TMEM131L: variants seen among roughly 807,000 people sequenced by gnomAD.
TMEM131L encodes transmembrane protein 131-like.
In TMEM131L, 54 loss-of-function variants were observed where a neutral mutation model predicts 192.2. The observed-to-expected ratio is 0.28, with a 90% confidence interval of 0.23 to 0.35. TMEM131L has a LOEUF of 0.35. Ranked by LOEUF, TMEM131L falls within the 10% of genes least tolerant of loss-of-function variation. TMEM131L has a pLI of 1.00. For synonymous variants in TMEM131L, 701 were observed against 704.9 expected (o/e 0.99, Z 0.09); for missense variants, 1,888 against 1,972.9 (o/e 0.96, Z 0.82).
intron 3 of TMEM131L, among the ~76,000 whole-genome samples, chr4:153,526,550 C>T (rs1270744315): frequency 9.2e-5 from 14 of 151,782 alleles, no homozygotes; most frequent in African/African-American, 2.2e-4. Context: ...CCGGCTAACA[C>T]GGTGAAACCC....
intron 3 of TMEM131L, among the ~76,000 whole-genome samples, chr4:153,489,051 G>A (rs1332529856): frequency 9.2e-5 from 14 of 152,142 alleles, no homozygotes; most frequent in Non-Finnish European, 1.3e-4. Context: ...TCCAAGTCAG[G>A]TCACATTCTG....
chr4:153,621,324 G>A lies in TMEM131L; in HGVS notation c.3693-359G>A, dbSNP rs186595827. Reference sequence around the variant, plus strand: ...AATGAAACAGAATAGTTACCCCTCAGGTCACCCTTGCTTCAGTCCTGCAGA... The same window carrying A: ...AATGAAACAGAATAGTTACCCCTCAAGTCACCCTTGCTTCAGTCCTGCAGA... On this transcript the variant is annotated intron_variant, in intron 27 of 34. Coordinates refer to ENST00000409959, the MANE Select transcript of TMEM131L (RefSeq NM_001131007.2). Among the ~76,000 whole-genome samples the A allele has an allele frequency of 3.3e-5, 5 of 152,238 alleles. No individual in the cohort carries two copies. In the East Asian group the frequency reaches 9.6e-4, roughly 29 times the overall value.
chr4:153,601,981 T>C (rs148455364), intron 21 of TMEM131L, 171 bp from the exon 22 acceptor site: 10 of 482,114 alleles, frequency 2.1e-5, no homozygotes, highest in African/African-American at 1.6e-4. Context: ...GAATCTATAA[T>C]TGTTCTAGAA....
chr4:153,634,304 A>G (rs1472546056), intron 33 of TMEM131L, 24 bp downstream of exon 33: 2 of 1,547,356 alleles, frequency 1.3e-6, no homozygotes, highest in Admixed American at 3.3e-5. Flanking sequence ...AGACAATCCC[A>G]ACGCCATTAT....
At chr4:153,478,419 T>A (rs1731699982) in intron 3 of TMEM131L, among the ~76,000 whole-genome samples, 1 of 152,244 alleles carries the variant, frequency 6.6e-6, no homozygotes, top group Non-Finnish European at 1.5e-5. Flanking sequence ...TAGAGTAGAT[T>A]TAAATTTATA....
intron 3 of TMEM131L, among the ~76,000 whole-genome samples, chr4:153,537,690 C>CT (rs1736442478): frequency 6.6e-6 from 1 of 152,152 alleles, no homozygotes; most frequent in Non-Finnish European, 1.5e-5. Context: ...TCAGCAAGGC[C>CT]TTTATGACCT....
intron 18 of TMEM131L, 100 bp from the exon 19 acceptor site, chr4:153,593,699 C>T (rs1731227986): frequency 7.8e-6 from 6 of 768,866 alleles, no homozygotes; most frequent in South Asian, 7.4e-5. Context: ...TGCAAATGTA[C>T]TCACCTATGT....
At chr4:153,527,465 G>A (rs1403763855) in intron 3 of TMEM131L, among the ~76,000 whole-genome samples, 1 of 152,164 alleles carries the variant, frequency 6.6e-6, no homozygotes, top group Admixed American at 6.6e-5. Flanking sequence ...GGTAGAGACA[G>A]GGTTTCACCA....
At chr4:153,626,105 G>A (rs780527989) in intron 29 of TMEM131L, 42 bp from the exon 30 acceptor site, 23 of 1,264,410 alleles carry the variant, frequency 1.8e-5, no homozygotes, top group Non-Finnish European at 2.5e-5. Context: ...CAGTTGAAGT[G>A]TACTTTTTGA....
At chr4:153,563,456 C>CTTTTTTTTTT (rs1177255196) in intron 7 of TMEM131L, among the ~76,000 whole-genome samples, 5 of 88,198 alleles carry the variant, frequency 5.7e-5, no homozygotes, top group African/African-American at 1.9e-4. Context: ...GATATGTACC[C>CTTTTTTTTTT]TTTTTTTTTT....
intron 29 of TMEM131L, among the ~76,000 whole-genome samples, chr4:153,625,709 A>G (rs1036310200): frequency 6.6e-6 from 1 of 152,100 alleles, no homozygotes; most frequent in Non-Finnish European, 1.5e-5. Context: ...GGAGTTCAAG[A>G]TCACCCTGGC....
chr4:153,539,010 T>C (rs1736557485), intron 3 of TMEM131L, among the ~76,000 whole-genome samples: 1 of 152,152 alleles, frequency 6.6e-6, no homozygotes, highest in South Asian at 2.1e-4. Flanking sequence ...CACTTAAAAA[T>C]TCCATTATGT....
rs201419595 is a variant in TMEM131L, at chr4:153,598,619, G to A, written c.2153G>A (p.Gly718Asp). The A allele has an allele frequency of 3.7e-6, 6 of 1,613,670 alleles. No individual in the cohort carries two copies. Among genetic ancestry groups the A allele is most frequent in the Non-Finnish European group, 4.2e-6 (5 of 1,179,798 alleles). ...RNNLTVIDMI[G>D]VEGFGARELL... The stretch of plus-strand genomic sequence containing the variant: ...AACTTGACTGTTATTGACATGATTG[G>A]CGTGGAAGGATTTGGAGCAAGAGAG... The change falls in exon 21 of 35, where the codon GGC (glycine) becomes GAC (aspartate). Residue 718 changes from glycine (G) to aspartate (D), a missense_variant. By Grantham distance (94) the Gly-to-Asp change is moderately conservative. Transcript: ENST00000409959.
At chr4:153,493,200 G>A (rs956016166) in intron 3 of TMEM131L, among the ~76,000 whole-genome samples, 3 of 151,376 alleles carry the variant, frequency 2.0e-5, no homozygotes, top group African/African-American at 7.3e-5. Context: ...CAAAAAATTA[G>A]CCGGGCGTGG....
intron 7 of TMEM131L, among the ~76,000 whole-genome samples, chr4:153,571,537 C>G (rs1578770417): frequency 1.3e-5 from 2 of 152,118 alleles, no homozygotes; most frequent in Admixed American, 6.6e-5. Context: ...TCCTAGAACT[C>G]AATCATGGTT....
At chr4:153,577,081 G>A (rs1730001110) in intron 7 of TMEM131L, among the ~76,000 whole-genome samples, 2 of 152,168 alleles carry the variant, frequency 1.3e-5, no homozygotes, top group Non-Finnish European at 2.9e-5. Context: ...AGGACATGAA[G>A]CATAAATCAG....
At chr4:153,477,882 C>G (rs1315180177) in intron 3 of TMEM131L, among the ~76,000 whole-genome samples, 2 of 152,124 alleles carry the variant, frequency 1.3e-5, no homozygotes, top group African/African-American at 4.8e-5. Flanking sequence ...TCAGCATATT[C>G]AGAGTTGTAT....
intron 2 of TMEM131L, among the ~76,000 whole-genome samples, chr4:153,468,613 C>T (rs920902390): frequency 6.6e-6 from 1 of 152,156 alleles, no homozygotes; most frequent in East Asian, 1.9e-4. Flanking sequence ...TCAACAGTGG[C>T]ACTGGTGACA....
intron 20 of TMEM131L, among the ~76,000 whole-genome samples, chr4:153,598,244 T>G (rs1305956596): frequency 1.3e-5 from 1 of 76,068 alleles, no homozygotes; most frequent in Non-Finnish European, 3.5e-5. Flanking sequence ...ATTTCTTCAG[T>G]TTTTTTTTTT....
Sources: gnomAD v4.1 joint callset for allele counts (sites outside exome capture counted in the v4.1 genomes callset) on GRCh38, gnomAD v4.1.1 for gene constraint, MANE v1.5 for transcripts, NCBI Gene and HGNC (gene_info 2026-07-23, HGNC 2026-07-21) for gene names.